PUDP: variants seen among roughly 807,000 people sequenced by gnomAD.
The protein encoded by PUDP is pseudouridine-5'-phosphatase.
A neutral mutation model predicts 9.4 loss-of-function variants in PUDP; 8 were observed. The ratio of observed to expected loss-of-function variants is 0.85; its 90% CI spans 0.50 to 1.53. The LOEUF is 1.53. PUDP is among the 40% of genes most tolerant of loss of function. The pLI, the probability that PUDP is intolerant of heterozygous loss-of-function variation, is 0.00. For missense variants in PUDP, 188 were observed against 189.7 expected (o/e 0.99, Z 0.05); for synonymous variants, 99 against 80.7 (o/e 1.23, Z -1.22).
intron 3 of PUDP, among the ~76,000 whole-genome samples, chrX:6,886,564 T>A (rs1927425874): frequency 9.0e-6 from 1 of 111,704 alleles, no homozygotes; most frequent in African/African-American, 3.3e-5. Flanking sequence ...GGATTTGGAT[T>A]CTAGTTTTTT....
At chrX:6,932,458 A>G (rs1289234079) in intron 3 of PUDP, among the ~76,000 whole-genome samples, 2 of 111,920 alleles carry the variant, frequency 1.8e-5, no homozygotes, top group Non-Finnish European at 3.8e-5. Flanking sequence ...CTTCATCCTT[A>G]AAGAATCCAG....
chrX:6,997,218 A>C (rs1174761404), intron 1 of PUDP, among the ~76,000 whole-genome samples: 5 of 111,847 alleles, frequency 4.5e-5, no homozygotes, highest in African/African-American at 6.5e-5. Context: ...TTAATCATAA[A>C]ATGAAAATAG....
intron 2 of PUDP, chrX:7,085,075 G>A (rs1267147636): frequency 8.9e-6 from 1 of 111,887 alleles, no homozygotes; most frequent in Non-Finnish European, 1.9e-5. Flanking sequence ...AGCACATGGA[G>A]GCAGGGGATA....
At chrX:6,945,897 T>G (rs1243122396) in intron 3 of PUDP, among the ~76,000 whole-genome samples, 1 of 111,209 alleles carries the variant, frequency 9.0e-6, no homozygotes, top group African/African-American at 3.3e-5. Context: ...AGAATAACCT[T>G]GAAAACTGAA....
At chrX:6,825,148 G>T (rs899158714) in intron 3 of PUDP, among the ~76,000 whole-genome samples, 2 of 111,596 alleles carry the variant, frequency 1.8e-5, no homozygotes, top group African/African-American at 6.5e-5. Flanking sequence ...CACGCAGAGG[G>T]ACTAAATATT....
chrX:7,064,385 G>A (rs1930489244), intron 3 of PUDP, among the ~76,000 whole-genome samples: 1 of 111,858 alleles, frequency 8.9e-6, no homozygotes, highest in Non-Finnish European at 1.9e-5. Context: ...ATTCCCACTT[G>A]GGAACACAAC....
intron 3 of PUDP, chrX:7,057,834 T>C (rs1930289068): frequency 2.7e-6 from 3 of 1,118,613 alleles, no homozygotes; most frequent in Admixed American, 2.6e-5. Context: ...CTAGGTACAG[T>C]TTGGGCAGGA....
chrX:7,097,405 T>C (rs1440009713), intron 2 of PUDP, among the ~76,000 whole-genome samples: 1 of 111,640 alleles, frequency 9.0e-6, no homozygotes. Flanking sequence ...CCTTTTGAAA[T>C]GGCTTCTCCC....
intron 3 of PUDP, among the ~76,000 whole-genome samples, chrX:6,815,111 C>G (rs1221934990): frequency 9.6e-6 from 1 of 104,193 alleles, no homozygotes; most frequent in Admixed American, 1.0e-4. Flanking sequence ...TTTTCCTGAC[C>G]AATGCTTGGG....
intron 3 of PUDP, among the ~76,000 whole-genome samples, chrX:6,895,766 T>A (rs1253247578): frequency 9.0e-6 from 1 of 111,507 alleles, no homozygotes; most frequent in Non-Finnish European, 1.9e-5. Flanking sequence ...ATAGACTAGG[T>A]AACTTAAAGA....
intron 3 of PUDP, among the ~76,000 whole-genome samples, chrX:6,870,567 A>G (rs1162048974): frequency 8.9e-6 from 1 of 112,050 alleles, no homozygotes; most frequent in East Asian, 2.8e-4. Context: ...AGTCGATTAA[A>G]TCTTTCTTTT....
At chrX:7,129,873 G>A (rs754622721) in intron 1 of PUDP, among the ~76,000 whole-genome samples, 2 of 111,244 alleles carry the variant, frequency 1.8e-5, no homozygotes, top group Admixed American at 1.9e-4. Context: ...GCACCGTCCC[G>A]CTCTAACAAA....
chrX:6,922,099 AGCTGGGAAGAGTAGGGGGAT>A (rs1409004315), intron 3 of PUDP, among the ~76,000 whole-genome samples: 1 of 110,973 alleles, frequency 9.0e-6, no homozygotes, highest in Admixed American at 9.7e-5. Flanking sequence ...GGATACCAGA[AGCTGGGAAGAGTAGGGGGAT>A]GCTGGGGGGC....
At chrX:6,837,013 C>T (rs758353257) in intron 3 of PUDP, among the ~76,000 whole-genome samples, 1 of 112,509 alleles carries the variant, frequency 8.9e-6, no homozygotes, top group African/African-American at 3.2e-5. Context: ...TCAAACAGAA[C>T]TGCTACATGT....
chrX:7,087,783 T>A (rs1432637617), intron 2 of PUDP, among the ~76,000 whole-genome samples: 1 of 112,437 alleles, frequency 8.9e-6, no homozygotes, highest in Non-Finnish European at 1.9e-5. Flanking sequence ...ATTTATTTGG[T>A]CTGCTGGTCC....
intron 3 of PUDP, among the ~76,000 whole-genome samples, chrX:6,881,704 G>T (rs1927348198): frequency 9.0e-6 from 1 of 110,950 alleles, no homozygotes; most frequent in African/African-American, 3.3e-5. Context: ...TGCCACCTGG[G>T]TTTAAGTATA....
intron 1 of PUDP, among the ~76,000 whole-genome samples, chrX:6,707,690 T>C (rs981562075): frequency 1.8e-5 from 2 of 111,258 alleles, no homozygotes; most frequent in Non-Finnish European, 1.9e-5. Context: ...GGGGAGCGGC[T>C]GTAAATGCAC....
intron 3 of PUDP, among the ~76,000 whole-genome samples, chrX:6,788,567 T>C (rs185135182): frequency 9.0e-6 from 1 of 111,210 alleles, no homozygotes; most frequent in Admixed American, 9.5e-5. Context: ...TAGCCAGGCA[T>C]GGTGGCATGC....
At chrX:6,835,977 C>A (rs1412144560) in intron 3 of PUDP, among the ~76,000 whole-genome samples, 3 of 110,562 alleles carry the variant, frequency 2.7e-5, no homozygotes, top group Non-Finnish European at 5.7e-5. Context: ...CCTCGGCCTC[C>A]CGAAGTGCTG....
Sources: allele counts gnomAD v4.1 joint callset (sites outside exome capture counted in the v4.1 genomes callset), GRCh38; gene constraint gnomAD v4.1.1; transcripts MANE v1.5; gene names NCBI Gene and HGNC (gene_info 2026-07-23, HGNC 2026-07-21).